Variants in LRRC42 observed in about 807,000 individuals in gnomAD.
LRRC42 encodes the protein leucine rich repeat containing 42.
LRRC42 carries 43 observed loss-of-function variants against 44.3 expected under a neutral mutation model. That is an observed-to-expected ratio of 0.97 (90% CI 0.76 to 1.25). The LOEUF (loss-of-function observed/expected upper bound fraction) is 1.25, where lower values mean the gene tolerates loss of function less well. LRRC42 is among the 50% of genes most tolerant of loss of function. LRRC42 has a pLI of 0.00. For synonymous variants in LRRC42, 207 were observed against 195.2 expected (o/e 1.06, Z -0.50); for missense variants, 540 against 509.1 (o/e 1.06, Z -0.58).
At chr1:53,960,536 T>A in intron 5 of LRRC42, 62 bp downstream of exon 5, 1 of 1,170,820 alleles carries the variant, frequency 8.5e-7, no homozygotes, top group Non-Finnish European at 1.2e-6. Context: ...AGAGATCATG[T>A]AGTTCTTCCT....
intron 8 of LRRC42, among the ~76,000 whole-genome samples, 185 bp from the exon 9 acceptor site, chr1:53,967,480 G>A (rs1655158401): frequency 6.6e-6 from 1 of 152,188 alleles, no homozygotes; most frequent in Non-Finnish European, 1.5e-5. Context: ...TCAGACTGTA[G>A]TATGCCTCCA....
intron 7 of LRRC42, among the ~76,000 whole-genome samples, chr1:53,963,186 G>T (rs1655041224): frequency 6.6e-6 from 1 of 152,190 alleles, no homozygotes; most frequent in Non-Finnish European, 1.5e-5. Flanking sequence ...CCACCTGCTG[G>T]ATTGTAGCGT....
At chr1:53,949,666 G>A (rs968565633) in intron 2 of LRRC42, among the ~76,000 whole-genome samples, 2 of 152,206 alleles carry the variant, frequency 1.3e-5, no homozygotes, top group African/African-American at 4.8e-5. Flanking sequence ...AGCAGGGGCT[G>A]TAAATGCTGG....
chr1:53,962,945 C>G (rs947190536), intron 7 of LRRC42, among the ~76,000 whole-genome samples: 1 of 152,106 alleles, frequency 6.6e-6, no homozygotes, highest in African/African-American at 2.4e-5. Context: ...GATGGTCTTT[C>G]TTCACTTGGT....
intron 7 of LRRC42, among the ~76,000 whole-genome samples, chr1:53,964,050 T>G (rs1655064813): frequency 6.7e-6 from 1 of 149,110 alleles, no homozygotes; most frequent in African/African-American, 2.5e-5. Flanking sequence ...CCAGTGCAGC[T>G]GTGCATTGTT....
At chr1:53,963,660 C>T (rs1425252812) in intron 7 of LRRC42, among the ~76,000 whole-genome samples, 1 of 152,182 alleles carries the variant, frequency 6.6e-6, no homozygotes, top group Non-Finnish European at 1.5e-5. Context: ...TAGGGCGTGG[C>T]AGCAGTGCTT....
chr1:53,948,603 T>C (rs1449285028), intron 2 of LRRC42, among the ~76,000 whole-genome samples: 1 of 152,248 alleles, frequency 6.6e-6, no homozygotes, highest in East Asian at 1.9e-4. Context: ...GCTGTTACTC[T>C]TGATCCAATA....
At chr1:53,965,365 T>C (rs897288771) in intron 7 of LRRC42, among the ~76,000 whole-genome samples, 1 of 152,134 alleles carries the variant, frequency 6.6e-6, no homozygotes, top group Non-Finnish European at 1.5e-5. Context: ...GGTCATTTCA[T>C]TGCATTCCAT....
At chr1:53,966,225 G>T in intron 7 of LRRC42, 71 bp from the exon 8 acceptor site, 1 of 1,248,794 alleles carries the variant, frequency 8.0e-7, no homozygotes, top group Non-Finnish European at 1.2e-6. Context: ...GGAAAAAGGG[G>T]GAACAAGAAA....
chr1:53,966,284 A>C lies in LRRC42; in HGVS notation c.928-12A>C, dbSNP rs749575202. 1.8e-5 allele frequency: 29 copies of C among 1,605,798 alleles called. No individual in the cohort carries two copies. The highest frequency in any genetic ancestry group is 6.7e-5 in the Admixed American group (4 of 59,890). ...TTTTGTTTGGATTCAAATCTTTCCA[A>C]ATATGTTTCAGATCGTTCTGCAGTG... On this transcript the variant is annotated splice_polypyrimidine_tract_variant and intron_variant, in intron 7 of 8. Coordinates refer to ENST00000371370, the MANE Select transcript of LRRC42 (RefSeq NM_001256409.2).
At chr1:53,950,206 G>C (rs974421006) in intron 2 of LRRC42, among the ~76,000 whole-genome samples, 1 of 152,190 alleles carries the variant, frequency 6.6e-6, no homozygotes, top group African/African-American at 2.4e-5. Context: ...ATGATGAGTA[G>C]GAATTAGCTA....
chr1:53,960,171 A>G (rs1347816829), intron 4 of LRRC42, among the ~76,000 whole-genome samples, 185 bp from the exon 5 acceptor site: 2 of 152,190 alleles, frequency 1.3e-5, no homozygotes, highest in Admixed American at 6.5e-5. Context: ...AAGTGCTGAC[A>G]TTACAAGCAT....
chr1:53,950,037 C>T (rs1023717251), intron 2 of LRRC42, among the ~76,000 whole-genome samples: 2 of 152,186 alleles, frequency 1.3e-5, no homozygotes, highest in Non-Finnish European at 2.9e-5. Flanking sequence ...AAGTACCTTG[C>T]CTTCAAAAAG....
intron 3 of LRRC42, among the ~76,000 whole-genome samples, chr1:53,956,611 TC>T (rs1654848606): frequency 6.6e-6 from 1 of 152,164 alleles, no homozygotes; most frequent in Non-Finnish European, 1.5e-5. Flanking sequence ...ACTGTACTGT[TC>T]CGAACCCTTT....
intron 7 of LRRC42, among the ~76,000 whole-genome samples, chr1:53,965,624 C>T (rs57876473): frequency 0.027 from 4,070 of 151,676 alleles, 163 homozygotes; most frequent in African/African-American, 0.092. Context: ...GGACTACAGG[C>T]GCCTGCCCAG....
At chr1:53,958,620 T>C (rs1654910271) in intron 4 of LRRC42, among the ~76,000 whole-genome samples, 1 of 152,236 alleles carries the variant, frequency 6.6e-6, no homozygotes. Flanking sequence ...AAGTTTCGTT[T>C]TTGCCACCCA....
At chr1:53,957,213 C>T (rs1654865517) in intron 3 of LRRC42, among the ~76,000 whole-genome samples, 1 of 152,170 alleles carries the variant, frequency 6.6e-6, no homozygotes, top group Admixed American at 6.5e-5. Flanking sequence ...AGGTGTAACC[C>T]CACTGATCCT....
rs1452608792 is a variant in LRRC42 at position 53,952,335 on chromosome 1, G to A, written c.336G>A (p.Glu112=). The change falls in exon 3 of 9, where the codon GAG becomes GAA. Residue 112 remains glutamate (E), a synonymous_variant. Coordinates refer to ENST00000371370, the MANE Select transcript of LRRC42 (RefSeq NM_001256409.2). Reference sequence around the variant, plus strand: ...TTGATTCCCTTATTGGCTTTCCTGAGCAGATTGCTGAAAAGCTGTTCTCTG... The same window carrying A: ...TTGATTCCCTTATTGGCTTTCCTGAACAGATTGCTGAAAAGCTGTTCTCTG... ...DHIDSLIGFP[E]QIAEKLFSAA... The A allele has an allele frequency of 2.5e-6, 4 of 1,614,024 alleles. No individual in the cohort carries two copies. The highest frequency in any genetic ancestry group is 1.3e-5 in the African/African-American group (1 of 74,932).
At chr1:53,953,118 C>G (rs1218909869) in intron 3 of LRRC42, among the ~76,000 whole-genome samples, 1 of 152,192 alleles carries the variant, frequency 6.6e-6, no homozygotes, top group Non-Finnish European at 1.5e-5. Flanking sequence ...AATTTAAACA[C>G]AAACACAAAG....
Sources: gnomAD v4.1 joint callset for allele counts (sites outside exome capture counted in the v4.1 genomes callset) on GRCh38, gnomAD v4.1.1 for gene constraint, MANE v1.5 for transcripts, NCBI Gene and HGNC (gene_info 2026-07-23, HGNC 2026-07-21) for gene names.